The following CD151 variants were observed in gnomAD, a reference collection of about 807,000 sequenced individuals.
The protein encoded by CD151 is CD151 antigen.
Under a neutral mutation model 34.2 loss-of-function variants are expected in CD151, and 20 were observed. That is an observed-to-expected ratio of 0.58 (90% CI 0.41 to 0.85). The LOEUF (loss-of-function observed/expected upper bound fraction) is 0.85. Among genes scored for constraint, CD151 ranks in the 40% least tolerant of loss-of-function variants. The pLI, the probability that CD151 is intolerant of heterozygous loss-of-function variation, is 0.00. For synonymous variants in CD151, 157 were observed against 131.7 expected, an observed-to-expected ratio of 1.19 and a Z score of -1.32; for missense variants, 306 against 324.5, an observed-to-expected ratio of 0.94 and a Z score of 0.44.
chr11:835,837 G>A (rs111549610), intron 2 of CD151: 48 of 471,198 alleles, frequency 1.0e-4, no homozygotes, highest in Admixed American at 2.1e-4. Flanking sequence ...ACAGGCGCCC[G>A]CCACCACGCC....
chr11:837,722 A>AG, intron 7 of CD151, 104 bp downstream of exon 7: 1 of 1,237,704 alleles, frequency 8.1e-7, no homozygotes, highest in Non-Finnish European at 1.1e-6. Flanking sequence ...ATCTACCAGG[A>AG]GGTGGGGGGT....
chr11:835,042 G>C (rs1198734639), intron 2 of CD151: 1 of 152,288 alleles, frequency 6.6e-6, no homozygotes, highest in East Asian at 1.9e-4. Flanking sequence ...CTGCCAGCCT[G>C]TGACGTGCGG....
intron 1 of CD151, chr11:833,973 A>G (rs899719193): frequency 1.3e-5 from 2 of 152,214 alleles, no homozygotes; most frequent in African/African-American, 4.8e-5. Context: ...CCATTCCATG[A>G]TGCCTCTTTC....
chr11:838,119 G>C lies in CD151; in HGVS notation c.703-14G>C. The C allele has an allele frequency of 6.2e-7, 1 of 1,612,762 alleles. No individual in the cohort carries two copies. The highest frequency in any genetic ancestry group is 8.5e-7 in the Non-Finnish European group (1 of 1,179,506). The stretch of plus-strand genomic sequence containing the variant: ...CCATGACGTCTGCTTACGCCCACCC[G>C]GCTCTGCACACAGGTCTTTGGCATG... On this transcript the variant is annotated splice_polypyrimidine_tract_variant and intron_variant, in intron 8 of 8. Coordinates refer to ENST00000397420, the MANE Select transcript of CD151 (RefSeq NM_004357.5).
chr11:837,928 T>C lies in CD151; in HGVS notation c.616-14T>C, dbSNP rs1846839850. ...CCCCTGGGCCCGCCTTCAACACCCA[T>C]CCGCGCCCCGCAGGGCGGCTGCATC... On this transcript the variant is annotated splice_polypyrimidine_tract_variant and intron_variant, in intron 7 of 8. Transcript: ENST00000397420. The C allele has an allele frequency of 1.2e-6, 2 of 1,603,992 alleles. No individual in the cohort carries two copies. Among genetic ancestry groups the C allele is most frequent in the South Asian group, 2.2e-5 (2 of 90,300 alleles).
intron 4 of CD151, 149 bp from the exon 5 acceptor site, chr11:836,620 C>A (rs1053678440): frequency 1.2e-6 from 1 of 864,228 alleles, no homozygotes; most frequent in Non-Finnish European, 1.8e-6. Flanking sequence ...AGGGAAGACA[C>A]CAGCTCCGCA....
rs1002564899 is a variant in CD151, at chr11:838,345, C to T, written c.*153C>T. On this transcript the variant is annotated 3_prime_UTR_variant, in exon 9 of 9. Transcript: ENST00000397420. ...AGGCAGCTTCAAGTGCCTTTTGCTGCGCACCAATGCCCAGCAGGGGAGGTG... is the reference window on the plus strand; with the variant it reads ...AGGCAGCTTCAAGTGCCTTTTGCTGTGCACCAATGCCCAGCAGGGGAGGTG... 1.9e-5 allele frequency: 12 copies of T among 638,038 alleles called. No homozygotes were observed. The highest frequency in any genetic ancestry group is 3.7e-5 in the South Asian group (2 of 53,644). The allele number at this position is 638,038 out of a possible 1,614,324, so 39.5% of individuals were successfully genotyped here. A position where few individuals can be genotyped will look rare whatever the true frequency, so the allele number is the denominator to read the frequency against.
In CD151 at chr11:837,564, G is replaced by T; in HGVS notation, c.561G>T (p.Thr187=). ...GRVVPDSCCK[T]VVALCGQRDH... ...TGGTCCCAGACAGCTGCTGCAAGAC[G>T]GTGGTGGCTCTTTGTGGGCAGCGAG... The change falls in exon 7 of 9, where the codon ACG becomes ACT. Residue 187 remains threonine (T), a synonymous_variant. Coordinates refer to ENST00000397420, the MANE Select transcript of CD151 (RefSeq NM_004357.5). 6.2e-7 allele frequency: 1 copy of T among 1,613,164 alleles called. No individual in the cohort carries two copies. The highest frequency in any genetic ancestry group is 8.5e-7 in the Non-Finnish European group (1 of 1,179,948).
chr11:837,498 A>C lies in CD151; in HGVS notation c.495A>C (p.Arg165=), dbSNP rs1846820501. 1 of 1,612,954 alleles carries C rather than the reference A, an allele frequency of 6.2e-7. No individual in the cohort carries two copies. The highest frequency in any genetic ancestry group is 8.5e-7 in the Non-Finnish European group (1 of 1,179,962). The part of the protein sequence containing the change: ...CCGSNNSQDW[R]DSEWIRSQEA... Reference sequence around the variant, plus strand: ...GCAGCAACAACTCACAGGACTGGCGAGACAGTGAGTGGATCCGCTCACAGG... The same window carrying C: ...GCAGCAACAACTCACAGGACTGGCGCGACAGTGAGTGGATCCGCTCACAGG... Residue 165 remains arginine (R), a synonymous_variant, in exon 7 of 9, where the codon CGA becomes CGC. Coordinates refer to ENST00000397420, the MANE Select transcript of CD151 (RefSeq NM_004357.5).
intron 4 of CD151, 79 bp from the exon 5 acceptor site, chr11:836,690 G>A (rs1846785876): frequency 1.4e-6 from 2 of 1,405,540 alleles, no homozygotes; most frequent in South Asian, 2.3e-5. Context: ...GGGAGCCGGG[G>A]TGGGGACTCT....
intron 5 of CD151, 39 bp from the exon 6 acceptor site, chr11:837,211 C>G: frequency 6.4e-7 from 1 of 1,555,086 alleles, no homozygotes; most frequent in Non-Finnish European, 8.9e-7. Context: ...CTTGGAAGGT[C>G]TTAGACTGAG....
intron 2 of CD151, 58 bp from the exon 3 acceptor site, chr11:836,005 G>T: frequency 2.0e-6 from 2 of 1,021,566 alleles, no homozygotes; most frequent in East Asian, 4.8e-5. Flanking sequence ...CCTCCTATCC[G>T]TCTCCCAGTC....
intron 5 of CD151, 141 bp downstream of exon 5, chr11:836,984 G>A (rs1040683509): frequency 1.0e-5 from 8 of 763,608 alleles, no homozygotes; most frequent in Non-Finnish European, 1.4e-5. Context: ...CCCTGGAGAT[G>A]GGGTCTAGGT....
intron 3 of CD151, 43 bp from the exon 4 acceptor site, chr11:836,208 T>G: frequency 7.7e-7 from 1 of 1,294,658 alleles, no homozygotes; most frequent in Admixed American, 1.7e-5. Context: ...CGGGCCACCA[T>G]CAGACCTGGG....
rs200700576 is a variant in CD151, at chr11:836,167, G to A, written c.84+14G>A. Reference sequence around the variant, plus strand: ...TGCTGCTTCTGGGTGAGGAGGGGTCGCCTTGCCCCCACCCCCACCCCCACC... The same window carrying A: ...TGCTGCTTCTGGGTGAGGAGGGGTCACCTTGCCCCCACCCCCACCCCCACC... On this transcript the variant is annotated intron_variant, in intron 3 of 8. Coordinates refer to ENST00000397420, the MANE Select transcript of CD151 (RefSeq NM_004357.5). 253 of 1,597,142 alleles carry A rather than the reference G, an allele frequency of 1.6e-4. No individual in the cohort carries two copies. The highest frequency in any genetic ancestry group is 1.7e-4 in the Non-Finnish European group (196 of 1,166,238).
chr11:838,734 G>GAGACAGGGACA lies in CD151; in HGVS notation c.*542_*543insAGACAGGGACA. ...TGCACTGCCCTGTTCATGTGCCTCT[G>GAGACAGGGACA]CGGGGCAGGGCCTTCCTGGTTTTGT... On this transcript the variant is annotated 3_prime_UTR_variant, in exon 9 of 9. Coordinates refer to ENST00000397420, the MANE Select transcript of CD151 (RefSeq NM_004357.5). The GAGACAGGGACA allele has an allele frequency of 6.0e-6, 1 of 165,718 alleles. No homozygotes were observed. Among genetic ancestry groups the GAGACAGGGACA allele is most frequent in the Non-Finnish European group, 1.3e-5 (1 of 75,632 alleles). The allele number at this position is 165,718 out of a possible 1,614,324, so 10.3% of individuals were successfully genotyped here.
At position 837,994 on chromosome 11, in the gene CD151, T is replaced by C. The variant is rs759897271; in HGVS notation, c.668T>C (p.Ile223Thr). Reference protein sequence around the residue: ...ETFIQEHLRVIGAVGIGIACV... With the variant: ...ETFIQEHLRVTGAVGIGIACV... ...TTCATCCAGGAGCACCTGAGGGTCA[T>C]TGGGGCTGTGGGGATCGGCATTGCC... Residue 223 changes from isoleucine to threonine, a missense_variant, in exon 8 of 9, where the codon ATT becomes ACT. By Grantham distance (89) the Ile-to-Thr change is moderately conservative. Transcript: ENST00000397420. 1.7e-5 allele frequency: 28 copies of C among 1,613,314 alleles called. No homozygotes were observed. Among genetic ancestry groups the C allele is most frequent in the South Asian group, 2.2e-5 (2 of 91,068 alleles).
At chr11:833,522 C>T (rs911278599) in intron 1 of CD151, among the ~76,000 whole-genome samples, 4 of 152,240 alleles carry the variant, frequency 2.6e-5, no homozygotes, top group Non-Finnish European at 5.9e-5. Flanking sequence ...GTCCCAGGTC[C>T]CCCTGACTGG....
intron 2 of CD151, chr11:835,562 A>G (rs1397832389): frequency 6.5e-6 from 1 of 153,402 alleles, no homozygotes; most frequent in East Asian, 1.9e-4. Context: ...GCTGGTTGTG[A>G]ACTCCCGACC....
Sources: allele counts gnomAD v4.1 joint callset (sites outside exome capture counted in the v4.1 genomes callset), GRCh38; gene constraint gnomAD v4.1.1; transcripts MANE v1.5; gene names NCBI Gene and HGNC (gene_info 2026-07-23, HGNC 2026-07-21).